The following STK32B variants were observed in gnomAD, a reference collection of about 807,000 sequenced individuals.
STK32B encodes serine/threonine kinase 32B, also known as serine/threonine-protein kinase 32B.
Under a neutral mutation model 52.6 loss-of-function variants are expected in STK32B, and 43 were observed. The ratio of observed to expected loss-of-function variants is 0.82; its 90% CI spans 0.64 to 1.05. The LOEUF (loss-of-function observed/expected upper bound fraction) is 1.05. STK32B is among the 50% of genes least tolerant of loss of function. The probability of loss-of-function intolerance (pLI) is 0.00; values close to 1 mark genes in which losing one functional copy is unlikely to be tolerated. For missense variants in STK32B, 621 were observed against 534.6 expected, an observed-to-expected ratio of 1.16 and a Z score of -1.59; for synonymous variants, 238 against 204.3, an observed-to-expected ratio of 1.17 and a Z score of -1.41.
At chr4:5,315,519 T>C (rs1456508660) in intron 3 of STK32B, among the ~76,000 whole-genome samples, 1 of 152,118 alleles carries the variant, frequency 6.6e-6, no homozygotes, top group Non-Finnish European at 1.5e-5. Context: ...GTTTATCTGT[T>C]TTACAATTTT....
intron 5 of STK32B, among the ~76,000 whole-genome samples, chr4:5,402,038 T>C (rs540109751): frequency 1.3e-5 from 2 of 152,360 alleles, no homozygotes; most frequent in South Asian, 4.1e-4. Context: ...TCCTTGAGCT[T>C]ATCCCCTGCA....
At chr4:5,236,906 T>C (rs1297306883) in intron 3 of STK32B, among the ~76,000 whole-genome samples, 1 of 152,208 alleles carries the variant, frequency 6.6e-6, no homozygotes, top group Non-Finnish European at 1.5e-5. Context: ...AATGTAGAAT[T>C]ACTGGGTGGT....
intron 3 of STK32B, among the ~76,000 whole-genome samples, chr4:5,244,705 T>A (rs1725312728): frequency 1.3e-5 from 2 of 152,322 alleles, no homozygotes; most frequent in South Asian, 4.1e-4. Flanking sequence ...CTTTCTCTTG[T>A]GGGCATTTAC....
At chr4:5,065,796 T>C (rs904383306) in intron 1 of STK32B, among the ~76,000 whole-genome samples, 4 of 152,218 alleles carry the variant, frequency 2.6e-5, no homozygotes, top group African/African-American at 9.7e-5. Flanking sequence ...TGATCTTGGC[T>C]CACTGCAACC....
chr4:5,283,683 G>A (rs138948310), intron 3 of STK32B, among the ~76,000 whole-genome samples: 174 of 152,282 alleles, frequency 1.1e-3, no homozygotes, highest in African/African-American at 4.0e-3. Context: ...AGAGTGGGAT[G>A]ATATATTCAA....
intron 4 of STK32B, among the ~76,000 whole-genome samples, chr4:5,385,497 C>T (rs1736189013): frequency 6.6e-6 from 1 of 151,868 alleles, no homozygotes; most frequent in African/African-American, 2.4e-5. Flanking sequence ...TCCCTCTGCT[C>T]CCACAAGTGG....
At chr4:5,244,253 G>A (rs925155531) in intron 3 of STK32B, among the ~76,000 whole-genome samples, 1 of 152,146 alleles carries the variant, frequency 6.6e-6, no homozygotes, top group African/African-American at 2.4e-5. Context: ...CAATTTCAGA[G>A]CCTGTTTATT....
intron 3 of STK32B, among the ~76,000 whole-genome samples, chr4:5,195,685 C>T (rs746053228): frequency 1.6e-4 from 24 of 152,112 alleles, no homozygotes; most frequent in Non-Finnish European, 2.5e-4. Flanking sequence ...AGTGAGACTC[C>T]GTCTCAAAGA....
At chr4:5,096,840 G>A (rs983685679) in intron 1 of STK32B, among the ~76,000 whole-genome samples, 1 of 152,128 alleles carries the variant, frequency 6.6e-6, no homozygotes, top group African/African-American at 2.4e-5. Context: ...AACTAAGATC[G>A]ATTTCCATGG....
intron 11 of STK32B, among the ~76,000 whole-genome samples, chr4:5,494,872 ATTCTT>A (rs1244391095): frequency 1.9e-4 from 29 of 152,172 alleles, no homozygotes; most frequent in African/African-American, 6.5e-4. Flanking sequence ...TGGGTTGAAA[ATTCTT>A]TTCTTTAAGA....
At chr4:5,435,067 C>T (rs138496253) in intron 6 of STK32B, among the ~76,000 whole-genome samples, 3 of 152,256 alleles carry the variant, frequency 2.0e-5, no homozygotes, top group Non-Finnish European at 4.4e-5. Context: ...GGAAGACTGA[C>T]ATGTGGAGGC....
At chr4:5,263,754 T>G (rs186891230) in intron 3 of STK32B, among the ~76,000 whole-genome samples, 55 of 152,348 alleles carry the variant, frequency 3.6e-4, no homozygotes, top group African/African-American at 1.2e-3. Flanking sequence ...AAAGGTACTC[T>G]TATAACTCAC....
intron 3 of STK32B, among the ~76,000 whole-genome samples, chr4:5,257,583 C>T (rs1372649199): frequency 1.3e-5 from 2 of 152,170 alleles, no homozygotes; most frequent in East Asian, 1.9e-4. Context: ...TAAGGAGACA[C>T]GTTTCCATCA....
At chr4:5,297,025 C>G (rs1197136668) in intron 3 of STK32B, among the ~76,000 whole-genome samples, 1 of 152,088 alleles carries the variant, frequency 6.6e-6, no homozygotes, top group African/African-American at 2.4e-5. Flanking sequence ...TTTATTCCTC[C>G]TTTGTTTATG....
At position 5,409,385 on chromosome 4, in the gene STK32B, G is replaced by T. The variant is rs138272067; in HGVS notation, c.473-7460G>T. ...AGCGTTGCAAAAACTTCTCCAAAGT[G>T]TTACTAATTGTGATTAATATGATTC... On this transcript the variant is annotated intron_variant, in intron 5 of 11. Coordinates refer to ENST00000282908, the MANE Select transcript of STK32B (RefSeq NM_018401.3). 9.4e-4 allele frequency among the ~76,000 whole-genome samples: 143 copies of T among 152,120 alleles called. 1 individual carries two copies. The highest frequency in any genetic ancestry group is 3.3e-3 in the African/African-American group (137 of 41,480).
At position 5,495,187 on chromosome 4, in the gene STK32B, G is replaced by C. The variant is rs28835603; in HGVS notation, c.1107-3758G>C. Among the ~76,000 whole-genome samples, 4 of 152,098 alleles carry C rather than the reference G, an allele frequency of 2.6e-5. No homozygotes were observed. The East Asian group carries it at 7.7e-4, about 29-fold the overall frequency. ...GCAGAGTGTTTTCCAACTTGGTTCCGTTTTCCCTGTCACTTTCAGGTACAC... is the reference window on the plus strand; with the variant it reads ...GCAGAGTGTTTTCCAACTTGGTTCCCTTTTCCCTGTCACTTTCAGGTACAC... On this transcript the variant is annotated intron_variant, in intron 11 of 11. Transcript: ENST00000282908.
intron 1 of STK32B, among the ~76,000 whole-genome samples, chr4:5,100,743 C>A (rs1057253126): frequency 9.8e-5 from 11 of 112,432 alleles, no homozygotes; most frequent in East Asian, 3.0e-4. Flanking sequence ...CCTTCTCTTC[C>A]TCCCTCCTCC....
At chr4:5,390,286 G>T (rs1474655205) in intron 4 of STK32B, among the ~76,000 whole-genome samples, 1 of 152,176 alleles carries the variant, frequency 6.6e-6, no homozygotes, top group Non-Finnish European at 1.5e-5. Context: ...GCTGGCCATG[G>T]CCCAGCCACA....
intron 4 of STK32B, among the ~76,000 whole-genome samples, chr4:5,358,806 G>GAA (rs1734347791): frequency 6.6e-6 from 1 of 152,120 alleles, no homozygotes; most frequent in Admixed American, 6.5e-5. Flanking sequence ...TGAAAGTGAG[G>GAA]AAAATGTAGG....
Sources: gnomAD v4.1 joint callset for allele counts (sites outside exome capture counted in the v4.1 genomes callset) on GRCh38, gnomAD v4.1.1 for gene constraint, MANE v1.5 for transcripts, NCBI Gene and HGNC (gene_info 2026-07-23, HGNC 2026-07-21) for gene names.